The following CPNE4 variants were observed in gnomAD, a reference collection of about 807,000 sequenced individuals.
The protein encoded by CPNE4 is copine 4.
CPNE4 carries 25 observed loss-of-function variants against 67.9 expected under a neutral mutation model. The observed-to-expected ratio is 0.37, with a 90% CI of 0.27 to 0.51. CPNE4 has a LOEUF of 0.51. Ranked by LOEUF, CPNE4 falls within the 20% of genes least tolerant of loss-of-function variation. CPNE4 has a pLI of 0.93. For synonymous variants in CPNE4, 242 were observed against 244.9 expected (o/e 0.99, Z 0.11); for missense variants, 464 against 690.8 (o/e 0.67, Z 3.68).
Position 131,919,148 on chromosome 3 carries a change from C to T in CPNE4, c.-1-13704G>A, listed in dbSNP as rs535727606. Among the ~76,000 whole-genome samples, 48 of 152,210 alleles carry T rather than the reference C, an allele frequency of 3.2e-4. 1 individual carries two copies. The South Asian group carries it at 9.5e-3, about 30-fold the overall frequency. On this transcript the variant is annotated intron_variant, in intron 1 of 15. Transcript: ENST00000429747. Reference sequence around the variant, plus strand: ...CTTAAGTCAGGTATATCAAGGTGACCTTCAGATAGTCAACTGAGAAGTAGC... The same window carrying T: ...CTTAAGTCAGGTATATCAAGGTGACTTTCAGATAGTCAACTGAGAAGTAGC...
intron 8 of CPNE4, among the ~76,000 whole-genome samples, chr3:131,586,965 T>A (rs114370218): frequency 0.034 from 5,134 of 152,182 alleles, 259 homozygotes; most frequent in African/African-American, 0.11. Flanking sequence ...AGGATTCAAA[T>A]AATTTCTCCA....
At chr3:131,549,681 C>T (rs1168709254) in intron 14 of CPNE4, among the ~76,000 whole-genome samples, 2 of 152,062 alleles carry the variant, frequency 1.3e-5, no homozygotes, top group African/African-American at 2.4e-5. Flanking sequence ...ATAGTAGCTT[C>T]CATTGTTGAG....
In CPNE4 at chr3:131,723,468, C is replaced by A; in HGVS notation, c.338G>T (p.Gly113Val). Residue 113 changes from glycine (G) to valine (V), a missense_variant, in exon 3 of 16, where the codon GGC becomes GTC. By Grantham distance (109) the Gly-to-Val change is moderately radical. This residue lies in a region of CPNE4 where 170 missense variants were observed against 203.3 expected (regional missense o/e 0.84). Transcript: ENST00000429747. ...NGLKEADFLG[G>V]MECTLGQIVS... ...CACCTGGCCAAGTGTGCACTCCATGCCACCAAGGAAGTCGGCCTCCTTCAG... is the reference window on the plus strand; with the variant it reads ...CACCTGGCCAAGTGTGCACTCCATGACACCAAGGAAGTCGGCCTCCTTCAG... 1 of 1,613,000 alleles carries A rather than the reference C, an allele frequency of 6.2e-7. No individual in the cohort carries two copies. Among genetic ancestry groups the A allele is most frequent in the African/African-American group, 1.3e-5 (1 of 74,990 alleles).
chr3:131,673,883 C>G lies in CPNE4; in HGVS notation c.592-4119G>C, dbSNP rs183756662. On this transcript the variant is annotated intron_variant, in intron 6 of 15. Transcript: ENST00000429747. ...CAGTGATGAAAGTGGGCATCCTTGT[C>G]TTTTTCCAGATCTTAGAGGAAAGGC... 9.7e-4 allele frequency among the ~76,000 whole-genome samples: 147 copies of G among 152,152 alleles called. 2 individuals are homozygous for G. Among genetic ancestry groups the G allele is most frequent in the African/African-American group, 3.2e-3 (134 of 41,538 alleles).
intron 7 of CPNE4, among the ~76,000 whole-genome samples, chr3:131,599,827 T>A (rs1939102711): frequency 6.6e-6 from 1 of 152,198 alleles, no homozygotes. Context: ...TGACAATTAC[T>A]CAGGTTTGTC....
intron 2 of CPNE4, among the ~76,000 whole-genome samples, chr3:131,773,187 G>A (rs1317842128): frequency 1.3e-5 from 2 of 152,076 alleles, no homozygotes; most frequent in African/African-American, 4.8e-5. Context: ...GCCACGGTTT[G>A]TTAGGCCAGC....
chr3:131,627,271 A>C (rs2079103072), intron 7 of CPNE4, among the ~76,000 whole-genome samples: 1 of 152,178 alleles, frequency 6.6e-6, no homozygotes, highest in African/African-American at 2.4e-5. Flanking sequence ...TATAAATGGA[A>C]GAATAAAGCC....
chr3:131,879,423 A>G (rs536897822), intron 2 of CPNE4, among the ~76,000 whole-genome samples: 1 of 152,318 alleles, frequency 6.6e-6, no homozygotes, highest in Non-Finnish European at 1.5e-5. Flanking sequence ...TCTATCTTCT[A>G]TGATAAATTA....
At chr3:131,894,462 C>CA (rs1316913920) in intron 2 of CPNE4, among the ~76,000 whole-genome samples, 3 of 151,700 alleles carry the variant, frequency 2.0e-5, no homozygotes, top group Non-Finnish European at 4.4e-5. Flanking sequence ...AAAATATTTG[C>CA]AAACCAGACA....
intron 1 of CPNE4, among the ~76,000 whole-genome samples, chr3:131,942,085 A>G (rs1295066167): frequency 6.6e-6 from 1 of 152,104 alleles, no homozygotes; most frequent in African/African-American, 2.4e-5. Context: ...AATATTTTGT[A>G]AAACATAAAA....
At chr3:132,005,751 C>T (rs2073583946) in intron 1 of CPNE4, among the ~76,000 whole-genome samples, 1 of 151,778 alleles carries the variant, frequency 6.6e-6, no homozygotes, top group Non-Finnish European at 1.5e-5. Context: ...AAAGACAGCC[C>T]TCCATATATG....
chr3:131,584,810 T>G (rs1938073369), intron 8 of CPNE4, among the ~76,000 whole-genome samples: 1 of 152,168 alleles, frequency 6.6e-6, no homozygotes, highest in Non-Finnish European at 1.5e-5. Flanking sequence ...GAACTTAACT[T>G]GTTATTTAAT....
chr3:131,798,254 A>T (rs2083974798), intron 2 of CPNE4, among the ~76,000 whole-genome samples: 1 of 152,142 alleles, frequency 6.6e-6, no homozygotes, highest in South Asian at 2.1e-4. Flanking sequence ...GTGCTCTATC[A>T]TTGAACCTGT....
intron 1 of CPNE4, among the ~76,000 whole-genome samples, chr3:131,992,076 C>T (rs1259522833): frequency 7.3e-6 from 1 of 136,640 alleles, no homozygotes; most frequent in African/African-American, 2.5e-5. Flanking sequence ...TCTGCTACAA[C>T]AGTAAGGAAG....
At chr3:131,949,839 C>A (rs2071668264) in intron 1 of CPNE4, among the ~76,000 whole-genome samples, 1 of 152,018 alleles carries the variant, frequency 6.6e-6, no homozygotes, top group African/African-American at 2.4e-5. Context: ...TAGTTATTTT[C>A]TTTATTATAT....
chr3:131,781,690 T>G (rs2083435235), intron 2 of CPNE4, among the ~76,000 whole-genome samples: 1 of 152,166 alleles, frequency 6.6e-6, no homozygotes. Flanking sequence ...TGGGTTTATA[T>G]GCCAGTGAGA....
intron 1 of CPNE4, among the ~76,000 whole-genome samples, chr3:131,916,876 C>T (rs946951487): frequency 6.6e-6 from 1 of 152,082 alleles, no homozygotes; most frequent in African/African-American, 2.4e-5. Context: ...TTTGTTTTTT[C>T]TAAAGAACAA....
chr3:131,659,040 T>C (rs2080054476), intron 7 of CPNE4, among the ~76,000 whole-genome samples: 1 of 152,194 alleles, frequency 6.6e-6, no homozygotes, highest in Non-Finnish European at 1.5e-5. Flanking sequence ...CATTTCCAAA[T>C]GTGCAAAAAT....
At chr3:131,911,703 A>T (rs1431867260) in intron 1 of CPNE4, among the ~76,000 whole-genome samples, 2 of 151,942 alleles carry the variant, frequency 1.3e-5, no homozygotes, top group African/African-American at 4.8e-5. Context: ...TTCTAGAGGG[A>T]TAGGGTACAG....
Sources: gnomAD v4.1 joint callset for allele counts (sites outside exome capture counted in the v4.1 genomes callset) on GRCh38, gnomAD v4.1.1 for gene constraint, gnomAD v4.1.1 regional missense constraint, MANE v1.5 for transcripts, NCBI Gene and HGNC (gene_info 2026-07-23, HGNC 2026-07-21) for gene names.